DOCK8: variants seen among roughly 807,000 people sequenced by gnomAD.
DOCK8 encodes dedicator of cytokinesis 8, also known as dedicator of cytokinesis protein 8.
A neutral mutation model predicts 245.6 loss-of-function variants in DOCK8; 141 were observed. The ratio of observed to expected loss-of-function variants is 0.57; its 90% CI spans 0.50 to 0.66. DOCK8 has a LOEUF of 0.66. Ranked by LOEUF, DOCK8 falls within the 30% of genes least tolerant of loss-of-function variation. The pLI, the probability that DOCK8 is intolerant of heterozygous loss-of-function variation, is 0.00. For synonymous variants in DOCK8, 1,168 were observed against 970.2 expected (o/e 1.20, Z -3.79); for missense variants, 2,965 against 2,603.4 (o/e 1.14, Z -3.02).
intron 2 of DOCK8, 46 bp downstream of exon 2, chr9:271,775 AGTGCCCAGGGTAT>A: frequency 7.2e-7 from 1 of 1,388,474 alleles, no homozygotes; most frequent in Non-Finnish European, 1.0e-6. Flanking sequence ...CAAGTGCAAA[AGTGCCCAGGGTAT>A]GTGTTTGCCT....
chr9:368,438 A>C, intron 15 of DOCK8: 1 of 616,436 alleles, frequency 1.6e-6, no homozygotes, highest in Non-Finnish European at 2.9e-6. Flanking sequence ...AAGGCATACA[A>C]AGTAAAGAGA....
chr9:310,852 G>C (rs978376386), intron 5 of DOCK8, among the ~76,000 whole-genome samples: 2 of 152,136 alleles, frequency 1.3e-5, no homozygotes, highest in Non-Finnish European at 2.9e-5. Context: ...CCCATCATCT[G>C]GGCCTGTGAC....
chr9:455,340 C>CA (rs79110839), intron 46 of DOCK8, among the ~76,000 whole-genome samples: 79,713 of 151,674 alleles, frequency 0.53, 23,066 homozygotes, highest in East Asian at 0.93. Context: ...TAAAAAAATA[C>CA]AAAAAAATAC....
At chr9:338,057 G>C (rs1447205850) in intron 12 of DOCK8, among the ~76,000 whole-genome samples, 1 of 152,116 alleles carries the variant, frequency 6.6e-6, no homozygotes, top group Non-Finnish European at 1.5e-5. Context: ...GGGAGGCTGA[G>C]GCTGGAGAAT....
chr9:413,877 C>CA (rs1171344779), intron 28 of DOCK8, among the ~76,000 whole-genome samples: 1 of 152,234 alleles, frequency 6.6e-6, no homozygotes, highest in Non-Finnish European at 1.5e-5. Context: ...CTCGGCGGCT[C>CA]ACGCCTATAA....
At chr9:214,195 G>C (rs1018596908), upstream of DOCK8, 4 of 353,656 alleles carry the variant, frequency 1.1e-5, no homozygotes, top group Middle Eastern at 8.3e-4. Context: ...GTTTGAGGCC[G>C]GGCTTCTTAG....
chr9:223,613 T>G (rs1536608), intron 1 of DOCK8, among the ~76,000 whole-genome samples: 92,512 of 151,656 alleles, frequency 0.61, 28,907 homozygotes, highest in East Asian at 0.75. Context: ...AAACTTGGTG[T>G]TTTAAAATCT....
chr9:392,841 G>A (rs987186491), intron 24 of DOCK8, among the ~76,000 whole-genome samples: 6 of 151,852 alleles, frequency 4.0e-5, no homozygotes, highest in East Asian at 1.9e-4. Context: ...GTCACCCCAT[G>A]CCCTTTATAT....
intron 15 of DOCK8, chr9:369,182 A>C (rs2053169133): frequency 6.6e-6 from 1 of 152,282 alleles, no homozygotes; most frequent in East Asian, 1.9e-4. Flanking sequence ...GAAAAAAAAA[A>C]ACCTTTCTCC....
chr9:416,741 A>G (rs760579162), intron 29 of DOCK8, among the ~76,000 whole-genome samples: 17 of 152,196 alleles, frequency 1.1e-4, no homozygotes, highest in Non-Finnish European at 2.2e-4. Flanking sequence ...TCTGTAAACT[A>G]TAAAAATGTG....
intron 14 of DOCK8, among the ~76,000 whole-genome samples, chr9:364,879 A>G (rs2052904572): frequency 6.6e-6 from 1 of 152,166 alleles, no homozygotes; most frequent in African/African-American, 2.4e-5. Flanking sequence ...GTGTGTGTGA[A>G]AGTGGAATGG....
At chr9:445,265 G>GT (rs1181604890) in intron 43 of DOCK8, among the ~76,000 whole-genome samples, 1 of 152,110 alleles carries the variant, frequency 6.6e-6, no homozygotes, top group African/African-American at 2.4e-5. Context: ...AATTCCCAGG[G>GT]TAGGTTGTGA....
chr9:357,938 C>T (rs560430519), intron 14 of DOCK8, among the ~76,000 whole-genome samples: 1 of 152,322 alleles, frequency 6.6e-6, no homozygotes, highest in South Asian at 2.1e-4. Context: ...TGTGAATTTG[C>T]ACTTTTATCT....
At chr9:403,919 T>TATAC (rs1173104103) in intron 26 of DOCK8, among the ~76,000 whole-genome samples, 4 of 75,256 alleles carry the variant, frequency 5.3e-5, no homozygotes, top group Admixed American at 1.5e-4. Flanking sequence ...TATATATACA[T>TATAC]ATATATATAT....
At chr9:459,310 G>A (rs2057733344) in intron 46 of DOCK8, among the ~76,000 whole-genome samples, 1 of 152,016 alleles carries the variant, frequency 6.6e-6, no homozygotes, top group Non-Finnish European at 1.5e-5. Context: ...ATGACTGAAA[G>A]GAAGAAATGT....
intron 18 of DOCK8, among the ~76,000 whole-genome samples, chr9:374,351 G>A (rs1368149346): frequency 6.6e-6 from 1 of 150,546 alleles, no homozygotes; most frequent in African/African-American, 2.4e-5. Flanking sequence ...GGGGAAAAAT[G>A]TGAAATATTG....
At chr9:236,571 A>G (rs2131394491) in intron 1 of DOCK8, among the ~76,000 whole-genome samples, 1 of 152,288 alleles carries the variant, frequency 6.6e-6, no homozygotes, top group African/African-American at 2.4e-5. Context: ...TCCCACTAGT[A>G]CCTGTAGTAG....
intron 1 of DOCK8, among the ~76,000 whole-genome samples, chr9:259,357 T>C (rs1390242862): frequency 6.6e-6 from 1 of 152,184 alleles, no homozygotes; most frequent in Non-Finnish European, 1.5e-5. Flanking sequence ...TGAATAGTAG[T>C]ATTTCCTTCT....
At chr9:306,383 A>G (rs567117289) in intron 5 of DOCK8, among the ~76,000 whole-genome samples, 2 of 152,218 alleles carry the variant, frequency 1.3e-5, no homozygotes, top group African/African-American at 2.4e-5. Flanking sequence ...GGAATTTTTC[A>G]TCAGTAATTT....
Sources: allele counts gnomAD v4.1 joint callset (sites outside exome capture counted in the v4.1 genomes callset), GRCh38; gene constraint gnomAD v4.1.1; transcripts MANE v1.5; gene names NCBI Gene and HGNC (gene_info 2026-07-23, HGNC 2026-07-21).